Variants in XKR4 observed in about 807,000 individuals in gnomAD.
XKR4 encodes XK related 4.
XKR4 carries 12 observed loss-of-function variants against 53.9 expected under a neutral mutation model. The observed-to-expected ratio is 0.22, with a 90% CI of 0.14 to 0.36. The LOEUF is 0.36. XKR4 is among the 10% of genes least tolerant of loss of function. The pLI is 1.00. For synonymous variants in XKR4, 354 were observed against 362.4 expected (o/e 0.98, Z 0.26); for missense variants, 799 against 859.5 (o/e 0.93, Z 0.88).
intron 1 of XKR4, among the ~76,000 whole-genome samples, chr8:55,249,899 A>C (rs1266341787): frequency 6.6e-6 from 1 of 152,230 alleles, no homozygotes; most frequent in Non-Finnish European, 1.5e-5. Context: ...CGGTACTCTA[A>C]TGTATAAGAA....
chr8:55,452,142 C>T (rs901545670), intron 2 of XKR4: 6 of 710,220 alleles, frequency 8.4e-6, no homozygotes, highest in Admixed American at 2.2e-5. Context: ...CGGTGTGTAC[C>T]GCAGCTTATG....
At chr8:55,317,525 G>T (rs1431407257) in intron 1 of XKR4, among the ~76,000 whole-genome samples, 2 of 152,128 alleles carry the variant, frequency 1.3e-5, no homozygotes, top group Non-Finnish European at 2.9e-5. Context: ...ATAAAATAAA[G>T]AGTTTTCATG....
intron 1 of XKR4, among the ~76,000 whole-genome samples, chr8:55,306,741 C>A (rs1819306574): frequency 6.6e-6 from 1 of 152,106 alleles, no homozygotes; most frequent in African/African-American, 2.4e-5. Context: ...GCAGCCTGAC[C>A]TTATCACATG....
chr8:55,483,452 C>T (rs10105874), intron 2 of XKR4, among the ~76,000 whole-genome samples: 52,323 of 151,732 alleles, frequency 0.34, 10,938 homozygotes, highest in African/African-American at 0.6. Context: ...ATAAGGTTTT[C>T]GTTGCAAGAA....
intron 2 of XKR4, among the ~76,000 whole-genome samples, chr8:55,410,147 G>A (rs969952935): frequency 6.6e-6 from 1 of 150,676 alleles, no homozygotes; most frequent in African/African-American, 2.4e-5. Context: ...CTTTCCTGAA[G>A]CCCTCTCCTC....
At chr8:55,176,720 C>T (rs1817240253) in intron 1 of XKR4, among the ~76,000 whole-genome samples, 1 of 152,062 alleles carries the variant, frequency 6.6e-6, no homozygotes, top group Non-Finnish European at 1.5e-5. Context: ...CCTTGGTATA[C>T]TTTTTACATC....
In XKR4 at chr8:55,525,238, C is replaced by T. The variant is rs560236773; in HGVS notation, c.*1011C>T. On this transcript the variant is annotated 3_prime_UTR_variant, in exon 3 of 3. Transcript: ENST00000327381. ...GCTGACTCTGGAAGACTCCGTGCCA[C>T]TCCTTTCTAGTGCCAAACACCATCC... 1 of 152,740 alleles carries T rather than the reference C, an allele frequency of 6.5e-6. No homozygotes were observed. Among genetic ancestry groups the T allele is most frequent in the South Asian group, 2.1e-4 (1 of 4,824 alleles). 9.5% of individuals were successfully genotyped at this position (152,740 alleles called of 1,614,324 possible).
At chr8:55,333,944 A>G (rs569848180) in intron 1 of XKR4, among the ~76,000 whole-genome samples, 5 of 152,300 alleles carry the variant, frequency 3.3e-5, no homozygotes, top group Admixed American at 6.5e-5. Flanking sequence ...TGGTTGCTGT[A>G]TATCTTTGAC....
At chr8:55,291,412 C>G (rs1448754363) in intron 1 of XKR4, among the ~76,000 whole-genome samples, 1 of 152,172 alleles carries the variant, frequency 6.6e-6, no homozygotes, top group Non-Finnish European at 1.5e-5. Flanking sequence ...CTTGCTGGAA[C>G]TTTTACAGAA....
In XKR4 at chr8:55,541,777, C is replaced by CCATACATCCAAA. The variant is rs1807104325; in HGVS notation, c.*17553_*17554insACATCCAAACAT. 6.6e-6 allele frequency: 1 copy of CCATACATCCAAA among 152,142 alleles called. No homozygotes were observed. Among genetic ancestry groups the CCATACATCCAAA allele is most frequent in the East Asian group, 1.9e-4 (1 of 5,200 alleles). 9.4% of individuals were successfully genotyped at this position (152,142 alleles called of 1,614,324 possible). ...TCCTGTAAATATATATATTCAAATT[C>CCATACATCCAAA]CATGTATCCAAACATCCCTTTAGCG... On this transcript the variant is annotated 3_prime_UTR_variant, in exon 3 of 3. Coordinates refer to ENST00000327381, the MANE Select transcript of XKR4 (RefSeq NM_052898.2).
Position 55,263,986 on chromosome 8 carries a change from A to G in XKR4, c.807-93692A>G, listed in dbSNP as rs138031224. On this transcript the variant is annotated intron_variant, in intron 1 of 2. Coordinates refer to ENST00000327381, the MANE Select transcript of XKR4 (RefSeq NM_052898.2). ...CATACGTGAGTTGTTTTAAAGGCAC[A>G]TTTCTTCACCATCCAGAACAGGACC... is the stretch of plus-strand genomic sequence containing the variant. Among the ~76,000 whole-genome samples the G allele has an allele frequency of 1.6e-3, 245 of 152,356 alleles. 3 individuals carry two copies. Among genetic ancestry groups the G allele is most frequent in the African/African-American group, 5.6e-3 (231 of 41,586 alleles).
At chr8:55,200,930 C>CT (rs1377594272) in intron 1 of XKR4, among the ~76,000 whole-genome samples, 10 of 152,198 alleles carry the variant, frequency 6.6e-5, no homozygotes, top group Non-Finnish European at 1.2e-4. Context: ...TAACAATGGG[C>CT]TAACTGAATC....
rs1386398947 is a variant in XKR4 at position 55,193,593 on chromosome 8, T to A, written c.806+90299T>A. Among the ~76,000 whole-genome samples the A allele has an allele frequency of 2.0e-5, 3 of 152,200 alleles. No individual in the cohort carries two copies. In the South Asian group the frequency reaches 6.2e-4, roughly 32 times the overall value. The stretch of plus-strand genomic sequence containing the variant: ...TGTGCTCACCTTCCTGATAGATCCC[T>A]TCGGGAGCAAGTTATTTGAGTTGTC... On this transcript the variant is annotated intron_variant, in intron 1 of 2. Transcript: ENST00000327381.
At chr8:55,104,723 G>A (rs1474328330) in intron 1 of XKR4, among the ~76,000 whole-genome samples, 3 of 122,814 alleles carry the variant, frequency 2.4e-5, no homozygotes, top group Non-Finnish European at 3.4e-5. Context: ...TATTTGATAT[G>A]TAGTCAGACA....
chr8:55,383,831 G>A (rs1804269739), intron 2 of XKR4, among the ~76,000 whole-genome samples: 1 of 152,098 alleles, frequency 6.6e-6, no homozygotes, highest in African/African-American at 2.4e-5. Flanking sequence ...TAAGGTTATA[G>A]GAAGAAAAAG....
In XKR4 at chr8:55,535,414, C is replaced by G. The variant is rs1272709107; in HGVS notation, c.*11187C>G. 5 of 125,650 alleles carry G rather than the reference C, an allele frequency of 4.0e-5. No individual in the cohort carries two copies. Among genetic ancestry groups the G allele is most frequent in the Non-Finnish European group, 8.0e-5 (5 of 62,542 alleles). The allele number at this position is 125,650 out of a possible 1,614,324, so 7.8% of individuals were successfully genotyped here. A position where few individuals can be genotyped will look rare whatever the true frequency, so the allele number is the denominator to read the frequency against. ...ACAACACTCCCCGGTGTGTGATGTTCCCCTTCCTGTGCACGTGACTTATTT... is the reference window on the plus strand; with the variant it reads ...ACAACACTCCCCGGTGTGTGATGTTGCCCTTCCTGTGCACGTGACTTATTT... On this transcript the variant is annotated 3_prime_UTR_variant, in exon 3 of 3. Coordinates refer to ENST00000327381, the MANE Select transcript of XKR4 (RefSeq NM_052898.2).
chr8:55,497,112 G>T (rs1167927990), intron 2 of XKR4, among the ~76,000 whole-genome samples: 1 of 152,134 alleles, frequency 6.6e-6, no homozygotes, highest in African/African-American at 2.4e-5. Flanking sequence ...TCTCTTCACT[G>T]ATCTATGAGA....
intron 1 of XKR4, among the ~76,000 whole-genome samples, chr8:55,107,917 G>T (rs953505725): frequency 7.2e-5 from 11 of 152,134 alleles, no homozygotes; most frequent in African/African-American, 2.4e-4. Context: ...CCTGCTATGT[G>T]CAAGGCACTG....
intron 1 of XKR4, among the ~76,000 whole-genome samples, chr8:55,237,328 C>T (rs928373858): frequency 2.6e-5 from 4 of 152,116 alleles, no homozygotes; most frequent in African/African-American, 9.7e-5. Context: ...AGAAGCCTTA[C>T]CAATAACATA....
Sources: gnomAD v4.1 joint callset for allele counts (sites outside exome capture counted in the v4.1 genomes callset) on GRCh38, gnomAD v4.1.1 for gene constraint, MANE v1.5 for transcripts, NCBI Gene and HGNC (gene_info 2026-07-23, HGNC 2026-07-21) for gene names.